Variants in PPP1R14C observed in about 807,000 individuals in gnomAD.
PPP1R14C encodes the protein protein phosphatase 1 regulatory subunit 14C.
A neutral mutation model predicts 20.4 loss-of-function variants in PPP1R14C; 16 were observed. The observed-to-expected ratio is 0.78, with a 90% CI of 0.53 to 1.19. The LOEUF is 1.19. Among genes scored for constraint, PPP1R14C ranks in the 50% most tolerant of loss-of-function variants. The pLI is 0.00. For missense variants in PPP1R14C, 211 were observed against 220.1 expected, an observed-to-expected ratio of 0.96 and a Z score of 0.26; for synonymous variants, 91 against 91.0, an observed-to-expected ratio of 1.00 and a Z score of 0.00.
intron 1 of PPP1R14C, among the ~76,000 whole-genome samples, chr6:150,146,734 T>C (rs969356158): frequency 6.6e-6 from 1 of 152,156 alleles, no homozygotes; most frequent in African/African-American, 2.4e-5. Flanking sequence ...CCCTAGAAGC[T>C]ACTTGGGATT....
chr6:150,208,535 C>T (rs971355871), intron 1 of PPP1R14C, among the ~76,000 whole-genome samples: 2 of 152,028 alleles, frequency 1.3e-5, no homozygotes, highest in Non-Finnish European at 2.9e-5. Flanking sequence ...GGTATAAATT[C>T]CTTATGCTAT....
At chr6:150,195,713 C>A in intron 1 of PPP1R14C, 1 of 308,978 alleles carries the variant, frequency 3.2e-6, no homozygotes, top group Non-Finnish European at 4.7e-6. Context: ...TTTAAGTGTA[C>A]AGGTCAGCTA....
At position 150,246,426 on chromosome 6, in the gene PPP1R14C, C is replaced by T. The variant is rs566388462; in HGVS notation, c.424-2320C>T. Among the ~76,000 whole-genome samples the T allele has an allele frequency of 2.6e-5, 4 of 152,084 alleles. No homozygotes were observed. The South Asian group carries it at 8.3e-4, about 32-fold the overall frequency. ...AGAATACTATGTATTGGTTAAACCA[C>T]ATAACACAGGAGGCAATAGGAAATG... On this transcript the variant is annotated intron_variant, in intron 3 of 3. Transcript: ENST00000361131.
At chr6:150,174,835 G>A (rs904784660) in intron 1 of PPP1R14C, among the ~76,000 whole-genome samples, 8 of 151,538 alleles carry the variant, frequency 5.3e-5, no homozygotes, top group East Asian at 2.0e-4. Flanking sequence ...TCATGGTGTC[G>A]CACGCCTGTA....
intron 3 of PPP1R14C, among the ~76,000 whole-genome samples, chr6:150,235,986 G>A (rs1582932462): frequency 1.3e-5 from 2 of 152,260 alleles, no homozygotes; most frequent in East Asian, 3.9e-4. Flanking sequence ...AGTTTAGTTT[G>A]TAATTAGACT....
At chr6:150,231,937 A>G (rs926638744) in intron 3 of PPP1R14C, among the ~76,000 whole-genome samples, 17 of 152,210 alleles carry the variant, frequency 1.1e-4, no homozygotes, top group African/African-American at 3.9e-4. Context: ...ACAGTGGTGC[A>G]ATAAAATAAC....
Position 150,143,071 on chromosome 6 carries a change from G to C in PPP1R14C, c.-122G>C, listed in dbSNP as rs979062134. On this transcript the variant is annotated 5_prime_UTR_variant, in exon 1 of 4. Transcript: ENST00000361131. The surrounding 1 kb of genome is among the most constrained non-coding windows in gnomAD (Gnocchi z 5.6). ...AGCAGCCGGGCGGCTGGGCGCGCGC[G>C]GCGCAGAGCAGGTGCCGGGGAGCCC... The C allele has an allele frequency of 9.2e-7, 1 of 1,089,810 alleles. No homozygotes were observed. 67.5% of individuals were successfully genotyped at this position (1,089,810 alleles called of 1,614,324 possible). A position where few individuals can be genotyped will look rare whatever the true frequency, so the allele number is the denominator to read the frequency against.
intron 1 of PPP1R14C, among the ~76,000 whole-genome samples, chr6:150,210,088 T>A (rs2114906123): frequency 6.6e-6 from 1 of 152,308 alleles, no homozygotes; most frequent in African/African-American, 2.4e-5. Flanking sequence ...CATTTCTGCA[T>A]CCTGGTACCT....
At chr6:150,152,306 T>C (rs1777258028) in intron 1 of PPP1R14C, among the ~76,000 whole-genome samples, 2 of 152,156 alleles carry the variant, frequency 1.3e-5, no homozygotes, top group East Asian at 3.9e-4. Flanking sequence ...GGTTCCTGGG[T>C]TGGGCCTCCC....
chr6:150,201,620 G>GT lies in PPP1R14C; in HGVS notation c.307-13123dup, dbSNP rs1468290187. The stretch of plus-strand genomic sequence containing the variant: ...TCCTAAGACTGGTAGGAAGCCACCC[G>GT]TGAGTTCTAAGCTGGTGAATGACAG... On this transcript the variant is annotated intron_variant, in intron 1 of 3. Transcript: ENST00000361131. This position sits in a 1 kb window ranked among gnomAD's most constrained non-coding sequence, Gnocchi z 4.2. 6.6e-6 allele frequency among the ~76,000 whole-genome samples: 1 copy of GT among 152,214 alleles called. No homozygotes were observed. Among genetic ancestry groups the GT allele is most frequent in the Admixed American group, 6.5e-5 (1 of 15,288 alleles).
chr6:150,214,866 A>T, intron 2 of PPP1R14C, 39 bp downstream of exon 2: 1 of 1,435,004 alleles, frequency 7.0e-7, no homozygotes, highest in Non-Finnish European at 9.8e-7. Flanking sequence ...CTAATCATGG[A>T]CACTTGAGAG....
intron 1 of PPP1R14C, among the ~76,000 whole-genome samples, chr6:150,196,969 T>C (rs1777812267): frequency 6.6e-6 from 1 of 152,232 alleles, no homozygotes; most frequent in African/African-American, 2.4e-5. Context: ...TTGCAGAAGA[T>C]GCCAAGAACT....
At chr6:150,240,067 A>T (rs998825929) in intron 3 of PPP1R14C, among the ~76,000 whole-genome samples, 3 of 152,010 alleles carry the variant, frequency 2.0e-5, no homozygotes, top group African/African-American at 4.8e-5. Flanking sequence ...AAAAGAAGAT[A>T]AAAAAAAGAA....
intron 3 of PPP1R14C, among the ~76,000 whole-genome samples, chr6:150,243,015 G>A (rs1778450204): frequency 6.6e-6 from 1 of 152,132 alleles, no homozygotes; most frequent in Admixed American, 6.5e-5. Context: ...CCATTGCTGA[G>A]ATAAGTTAGT....
chr6:150,247,024 G>GA (rs1481154938), intron 3 of PPP1R14C, among the ~76,000 whole-genome samples: 1 of 151,974 alleles, frequency 6.6e-6, no homozygotes, highest in Non-Finnish European at 1.5e-5. Context: ...AGGTTTTCTA[G>GA]AAAAAACACA....
At chr6:150,245,551 G>A (rs540837079) in intron 3 of PPP1R14C, among the ~76,000 whole-genome samples, 4 of 152,152 alleles carry the variant, frequency 2.6e-5, no homozygotes, top group African/African-American at 4.8e-5. Flanking sequence ...ACCTAGGCCC[G>A]CCAGATCTTC....
intron 3 of PPP1R14C, among the ~76,000 whole-genome samples, chr6:150,242,058 C>T (rs1778438357): frequency 6.6e-6 from 1 of 152,078 alleles, no homozygotes; most frequent in Admixed American, 6.6e-5. Flanking sequence ...CTGTCTCATA[C>T]AGGAAAATTT....
At chr6:150,176,487 G>A (rs1777564324) in intron 1 of PPP1R14C, among the ~76,000 whole-genome samples, 2 of 152,166 alleles carry the variant, frequency 1.3e-5, no homozygotes, top group Non-Finnish European at 2.9e-5. Context: ...GGAACATCTT[G>A]TTGCTGTCTT....
chr6:150,163,338 C>T (rs532818128), intron 1 of PPP1R14C, among the ~76,000 whole-genome samples: 26 of 152,264 alleles, frequency 1.7e-4, no homozygotes, highest in African/African-American at 5.3e-4. Context: ...TTGCAGTGAG[C>T]GGAGATCGCA....
Sources: gnomAD v4.1 joint callset for allele counts (sites outside exome capture counted in the v4.1 genomes callset) on GRCh38, gnomAD v4.1.1 for gene constraint, Gnocchi (gnomAD v3.1) non-coding constraint, MANE v1.5 for transcripts, NCBI Gene and HGNC (gene_info 2026-07-23, HGNC 2026-07-21) for gene names.